RAE1: variants seen among roughly 807,000 people sequenced by gnomAD.
RAE1 encodes the protein ribonucleic acid export 1.
Under a neutral mutation model 52.7 loss-of-function variants are expected in RAE1, and 13 were observed. That is an observed-to-expected ratio of 0.25 (90% CI 0.16 to 0.39). The LOEUF (loss-of-function observed/expected upper bound fraction) is 0.39. Among genes scored for constraint, RAE1 ranks in the 10% least tolerant of loss-of-function variants. The pLI, the probability that RAE1 is intolerant of heterozygous loss-of-function variation, is 1.00. For missense variants in RAE1, 262 were observed against 459.8 expected (o/e 0.57, Z 3.93); for synonymous variants, 164 against 153.1 (o/e 1.07, Z -0.52).
intron 8 of RAE1, among the ~76,000 whole-genome samples, chr20:57,370,734 C>A (rs2067024631): frequency 6.6e-6 from 1 of 152,206 alleles, no homozygotes; most frequent in Non-Finnish European, 1.5e-5. Context: ...CATATACATA[C>A]TAAATATTTC....
chr20:57,359,067 GTGATTATGC>G, intron 4 of RAE1: 1 of 1,469,612 alleles, frequency 6.8e-7, no homozygotes, highest in Non-Finnish European at 9.0e-7. Flanking sequence ...TAGAGAACAA[GTGATTATGC>G]TACCTTCGCA....
Position 57,356,588 on chromosome 20 carries a change from G to A in RAE1, c.288+50G>A, listed in dbSNP as rs750412360. 36 of 1,464,020 alleles carry A rather than the reference G, an allele frequency of 2.5e-5. 1 individual carries two copies. The South Asian group carries it at 3.6e-4, about 14-fold the overall frequency. 90.7% of individuals were successfully genotyped at this position (1,464,020 alleles called of 1,614,324 possible). On this transcript the variant is annotated intron_variant, in intron 4 of 11. Coordinates refer to ENST00000395841, the MANE Select transcript of RAE1 (RefSeq NM_003610.4). ...TTCCATTTTACTTAAAGTACAGAATGATTTAGAATATTTAATAATCCAAAC... is the reference window on the plus strand; with the variant it reads ...TTCCATTTTACTTAAAGTACAGAATAATTTAGAATATTTAATAATCCAAAC...
At chr20:57,353,340 C>CT (rs756594324) in intron 1 of RAE1, among the ~76,000 whole-genome samples, 3 of 152,176 alleles carry the variant, frequency 2.0e-5, no homozygotes, top group Non-Finnish European at 4.4e-5. Context: ...AAAATGAAGA[C>CT]TGGTGAGATT....
At position 57,375,231 on chromosome 20, in the gene RAE1, A is replaced by C. The variant is rs1394945753; in HGVS notation, c.1020+430A>C. On this transcript the variant is annotated intron_variant, in intron 11 of 11. Coordinates refer to ENST00000395841, the MANE Select transcript of RAE1 (RefSeq NM_003610.4). Reference sequence around the variant, plus strand: ...TTTGAGGCCTTTGGGCATGATGGTGAAATGTGTAGACTCGGGTACTCTGCC... The same window carrying C: ...TTTGAGGCCTTTGGGCATGATGGTGCAATGTGTAGACTCGGGTACTCTGCC... 5.0e-6 allele frequency: 3 copies of C among 601,480 alleles called. No homozygotes were observed. In the African/African-American group the frequency reaches 5.6e-5, roughly 11 times the overall value. 37.3% of individuals were successfully genotyped at this position (601,480 alleles called of 1,614,324 possible). A position where few individuals can be genotyped will look rare whatever the true frequency, so the allele number is the denominator to read the frequency against.
At position 57,354,020 on chromosome 20, in the gene RAE1, A is replaced by G. The variant is rs368437291; in HGVS notation, c.-7-12A>G. 133 of 1,607,000 alleles carry G rather than the reference A, an allele frequency of 8.3e-5. 1 individual carries two copies. The East Asian group carries it at 2.6e-3, about 32-fold the overall frequency. Reference sequence around the variant, plus strand: ...AGAAAACCCATCCTTAACATTTTTCATTACTTTTTAGGTTCAAAATGAGCC... The same window carrying G: ...AGAAAACCCATCCTTAACATTTTTCGTTACTTTTTAGGTTCAAAATGAGCC... On this transcript the variant is annotated splice_polypyrimidine_tract_variant and intron_variant, in intron 1 of 11. Transcript: ENST00000395841.
At chr20:57,356,089 C>T (rs192158378) in intron 3 of RAE1, among the ~76,000 whole-genome samples, 65 of 152,056 alleles carry the variant, frequency 4.3e-4, no homozygotes, top group Middle Eastern at 3.4e-3. Flanking sequence ...ACTTTTTTAA[C>T]GGAGGGGAGA....
chr20:57,372,219 C>G (rs1341595299), intron 8 of RAE1: 2 of 152,396 alleles, frequency 1.3e-5, no homozygotes, highest in East Asian at 3.9e-4. Flanking sequence ...TCAAGGCGTC[C>G]TCCGGAGCTG....
chr20:57,365,378 C>T lies in RAE1; in HGVS notation c.311C>T (p.Ala104Val), dbSNP rs2066940468. 1.2e-6 allele frequency: 2 copies of T among 1,609,976 alleles called. No individual in the cohort carries two copies. The highest frequency in any genetic ancestry group is 1.7e-5 in the Admixed American group (1 of 59,792). The change falls in exon 5 of 12, where the codon GCA becomes GTA. Residue 104 changes from alanine to valine, a missense_variant. Ala to Val is a moderately conservative substitution (Grantham distance 64, BLOSUM62 0). Coordinates refer to ENST00000395841, the MANE Select transcript of RAE1 (RefSeq NM_003610.4). ...TAGGATGGGAGCAAAGTGTTTACGG[C>T]ATCGTGTGATAAAACTGCCAAAATG... is the stretch of plus-strand genomic sequence containing the variant. ...WSDDGSKVFT[A>V]SCDKTAKMWD...
At chr20:57,357,235 C>A (rs2066802327) in intron 4 of RAE1, among the ~76,000 whole-genome samples, 1 of 152,216 alleles carries the variant, frequency 6.6e-6, no homozygotes, top group African/African-American at 2.4e-5. Flanking sequence ...CCATCGGCCT[C>A]CAAATTCTCT....
At chr20:57,375,429 TC>T (rs1372695931) in intron 11 of RAE1, among the ~76,000 whole-genome samples, 3 of 152,126 alleles carry the variant, frequency 2.0e-5, no homozygotes, top group Admixed American at 2.0e-4. Context: ...TGCCCTGGCT[TC>T]CGATGGGGAG....
At chr20:57,369,156 G>C (rs1248232905) in intron 8 of RAE1, among the ~76,000 whole-genome samples, 1 of 152,200 alleles carries the variant, frequency 6.6e-6, no homozygotes, top group African/African-American at 2.4e-5. Flanking sequence ...CAAATGTATT[G>C]ATGTGCACAG....
At chr20:57,354,540 C>G (rs1015327294) in intron 2 of RAE1, among the ~76,000 whole-genome samples, 172 bp from the exon 3 acceptor site, 2 of 152,168 alleles carry the variant, frequency 1.3e-5, no homozygotes, top group Admixed American at 1.3e-4. Context: ...GGTGCTGGTA[C>G]TTTCTCTAGC....
chr20:57,360,208 A>G (rs529123330), intron 4 of RAE1, among the ~76,000 whole-genome samples: 2 of 152,316 alleles, frequency 1.3e-5, no homozygotes, highest in African/African-American at 4.8e-5. Context: ...GCCTTATTCA[A>G]CCAAGCACTC....
rs973478742 is a variant in RAE1, at chr20:57,351,375, G to C, written c.-55G>C. On this transcript the variant is annotated 5_prime_UTR_variant, in exon 1 of 12. Coordinates refer to ENST00000395841, the MANE Select transcript of RAE1 (RefSeq NM_003610.4). ...CCAGAGCAGGTTCGCAAACTCCTCA[G>C]ACCCTTCTGCTCCCGGCCGCCGCTT... 2.0e-6 allele frequency: 2 copies of C among 985,382 alleles called. No homozygotes were observed. The highest frequency in any genetic ancestry group is 2.4e-6 in the Non-Finnish European group (2 of 830,020). The allele number at this position is 985,382 out of a possible 1,614,324, so 61.0% of individuals were successfully genotyped here.
intron 8 of RAE1, chr20:57,372,372 C>T (rs2067048680): frequency 6.6e-6 from 1 of 152,268 alleles, no homozygotes; most frequent in Non-Finnish European, 1.5e-5. Flanking sequence ...GTGCTAGCGC[C>T]CTGGCCTCTC....
chr20:57,374,403 A>C (rs1044485052), intron 10 of RAE1, among the ~76,000 whole-genome samples: 10 of 152,198 alleles, frequency 6.6e-5, no homozygotes, highest in African/African-American at 2.4e-4. Context: ...TCTGGTGTGC[A>C]GCCCTCACAG....
At chr20:57,357,216 A>G (rs1056687542) in intron 4 of RAE1, among the ~76,000 whole-genome samples, 1 of 152,212 alleles carries the variant, frequency 6.6e-6, no homozygotes, top group African/African-American at 2.4e-5. Context: ...TTCTAGATAT[A>G]GAACAGATCC....
intron 10 of RAE1, among the ~76,000 whole-genome samples, chr20:57,374,182 G>C (rs971899477): frequency 6.6e-6 from 1 of 152,150 alleles, no homozygotes; most frequent in Admixed American, 6.5e-5. Flanking sequence ...ACTTGGCCTT[G>C]TTTTCTGTGT....
intron 4 of RAE1, chr20:57,359,282 T>C (rs529438117): frequency 3.3e-6 from 1 of 304,036 alleles, no homozygotes; most frequent in South Asian, 1.5e-4. Flanking sequence ...TATTATATCA[T>C]TTATTAATAT....
Sources: allele counts gnomAD v4.1 joint callset (sites outside exome capture counted in the v4.1 genomes callset), GRCh38; gene constraint gnomAD v4.1.1; transcripts MANE v1.5; gene names NCBI Gene and HGNC (gene_info 2026-07-23, HGNC 2026-07-21).